STK4: variants seen among roughly 807,000 people sequenced by gnomAD.
The protein encoded by STK4 is serine/threonine-protein kinase 4.
A neutral mutation model predicts 64.9 loss-of-function variants in STK4; 30 were observed. That is an observed-to-expected ratio of 0.46 (90% CI 0.35 to 0.63). The LOEUF (loss-of-function observed/expected upper bound fraction) is 0.63, where lower values mean the gene tolerates loss of function less well. Among genes scored for constraint, STK4 ranks in the 20% least tolerant of loss-of-function variants. The pLI is 0.01. For missense variants in STK4, 466 were observed against 598.5 expected (o/e 0.78, Z 2.31); for synonymous variants, 177 against 199.0 (o/e 0.89, Z 0.93).
At position 45,006,253 on chromosome 20, in the gene STK4, G is replaced by GTATTTATTTATTTATT. The variant is rs71197590; in HGVS notation, c.1147+4913_1147+4928dup. ...ATTTTTGTTTCATTTTGTTTCGGAT[G>GTATTTATTTATTTATT]TATTTATTTATTTATTTATTTATTT... On this transcript the variant is annotated intron_variant, in intron 9 of 10. Transcript: ENST00000372806. 1.4e-4 allele frequency among the ~76,000 whole-genome samples: 21 copies of GTATTTATTTATTTATT among 146,906 alleles called. 1 individual carries two copies. The highest frequency in any genetic ancestry group is 4.0e-4 in the African/African-American group (16 of 40,376).
At chr20:44,992,532 A>T (rs1223506303) in intron 5 of STK4, among the ~76,000 whole-genome samples, 2 of 151,226 alleles carry the variant, frequency 1.3e-5, no homozygotes, top group Non-Finnish European at 2.9e-5. Flanking sequence ...ATAAGCCAGC[A>T]CACCTGCTCT....
intron 3 of STK4, 147 bp from the exon 4 acceptor site, chr20:44,981,682 A>G: frequency 1.9e-6 from 1 of 513,876 alleles, no homozygotes; most frequent in East Asian, 3.0e-5. Flanking sequence ...ACCATTTTGC[A>G]TTCTTATCAG....
intron 4 of STK4, among the ~76,000 whole-genome samples, chr20:44,983,608 C>G (rs755233303): frequency 2.0e-5 from 3 of 151,968 alleles, no homozygotes; most frequent in Non-Finnish European, 4.4e-5. Flanking sequence ...GGCAGCAGAG[C>G]AAGACTCTGT....
intron 9 of STK4, chr20:45,004,389 GC>G (rs2067896283): frequency 6.6e-6 from 1 of 151,852 alleles, no homozygotes; most frequent in Non-Finnish European, 1.5e-5. Context: ...GAGCCACTGC[GC>G]CCGGCCACAA....
Position 44,972,354 on chromosome 20 carries a change from A to G in STK4, c.116+196A>G, listed in dbSNP as rs541420679. On this transcript the variant is annotated intron_variant, in intron 2 of 10. Coordinates refer to ENST00000372806, the MANE Select transcript of STK4 (RefSeq NM_006282.5). ...AGTGATTCCTGGTCTTTTTAACACG[A>G]AGAATATCTATTGTTTTCTCTTTTG... 1.0e-5 allele frequency: 5 copies of G among 494,758 alleles called. No individual in the cohort carries two copies. In the Admixed American group the frequency reaches 1.2e-4, roughly 11 times the overall value. The allele number at this position is 494,758 out of a possible 1,614,324, so 30.6% of individuals were successfully genotyped here. A position where few individuals can be genotyped will look rare whatever the true frequency, so the allele number is the denominator to read the frequency against.
chr20:45,008,154 A>G (rs2067983138), intron 9 of STK4, among the ~76,000 whole-genome samples: 1 of 152,146 alleles, frequency 6.6e-6, no homozygotes, highest in African/African-American at 2.4e-5. Context: ...TCCCAGGTTC[A>G]AGCAATTCTC....
intron 10 of STK4, among the ~76,000 whole-genome samples, chr20:45,026,342 T>TGTGTGTGTGC (rs1483077260): frequency 6.6e-6 from 1 of 150,844 alleles, no homozygotes; most frequent in Non-Finnish European, 1.5e-5. Context: ...TGTGTGTGTG[T>TGTGTGTGTGC]GTGTGTGCAT....
At chr20:45,045,867 C>T (rs1014342337) in intron 10 of STK4, among the ~76,000 whole-genome samples, 1 of 151,872 alleles carries the variant, frequency 6.6e-6, no homozygotes, top group Non-Finnish European at 1.5e-5. Flanking sequence ...AGTGCAGTGG[C>T]CCAATCTCGG....
At chr20:45,007,184 C>T (rs553565642) in intron 9 of STK4, among the ~76,000 whole-genome samples, 2 of 152,160 alleles carry the variant, frequency 1.3e-5, no homozygotes, top group Non-Finnish European at 2.9e-5. Context: ...TATAAAGGAA[C>T]AGGTTCAGAG....
chr20:45,027,775 C>T (rs2068378226), intron 10 of STK4, among the ~76,000 whole-genome samples: 1 of 152,120 alleles, frequency 6.6e-6, no homozygotes, highest in Admixed American at 6.6e-5. Context: ...TCACCTCTTT[C>T]CCAGCCACTG....
At chr20:45,020,458 G>C (rs1291406476) in intron 9 of STK4, among the ~76,000 whole-genome samples, 1 of 133,158 alleles carries the variant, frequency 7.5e-6, no homozygotes, top group Non-Finnish European at 1.6e-5. Context: ...GTGTGTGTGT[G>C]TGTGTGTGTA....
At chr20:45,054,518 C>T (rs1003044934) in intron 10 of STK4, among the ~76,000 whole-genome samples, 21 of 149,500 alleles carry the variant, frequency 1.4e-4, no homozygotes, top group Non-Finnish European at 3.0e-4. Flanking sequence ...GCTATGATTG[C>T]ACCACTGCAC....
intron 9 of STK4, among the ~76,000 whole-genome samples, chr20:45,012,195 C>T (rs113150454): frequency 0.018 from 2,728 of 152,130 alleles, 73 homozygotes; most frequent in African/African-American, 0.062. Flanking sequence ...ACCACCACAC[C>T]TGGCTAATGG....
chr20:45,050,471 C>T (rs948130505), intron 10 of STK4, among the ~76,000 whole-genome samples: 1 of 152,102 alleles, frequency 6.6e-6, no homozygotes, highest in African/African-American at 2.4e-5. Context: ...ATGGTACGCC[C>T]TTAGAATTAA....
At chr20:45,063,800 TTTTA>T (rs998880666) in intron 10 of STK4, among the ~76,000 whole-genome samples, 2 of 152,002 alleles carry the variant, frequency 1.3e-5, no homozygotes, top group African/African-American at 4.8e-5. Flanking sequence ...GGTCCAGTGT[TTTTA>T]TTTATTTATT....
At chr20:44,988,940 TC>T (rs2067586121) in intron 5 of STK4, among the ~76,000 whole-genome samples, 1 of 152,186 alleles carries the variant, frequency 6.6e-6, no homozygotes, top group Admixed American at 6.5e-5. Context: ...TTTGAGTTCA[TC>T]CATGTTGTAA....
At chr20:44,995,303 A>G (rs748518425) in intron 6 of STK4, 46 bp downstream of exon 6, 2 of 1,563,342 alleles carry the variant, frequency 1.3e-6, no homozygotes, top group East Asian at 4.7e-5. Context: ...GTTACTGATC[A>G]TCATTAAAAA....
rs184239347 is a variant in STK4 at position 44,970,527 on chromosome 20, C to T, written c.36-1551C>T. ...AAAAAACCCTGGCATATGAGATGTT[C>T]GTTCTGACTTCTGAGTTTATAGAAG... is the stretch of plus-strand genomic sequence containing the variant. On this transcript the variant is annotated intron_variant, in intron 1 of 10. Coordinates refer to ENST00000372806, the MANE Select transcript of STK4 (RefSeq NM_006282.5). 1.5e-3 allele frequency: 236 copies of T among 152,290 alleles called. 1 individual carries two copies. The highest frequency in any genetic ancestry group is 5.3e-3 in the African/African-American group (222 of 41,560). 9.4% of individuals were successfully genotyped at this position (152,290 alleles called of 1,614,324 possible). A position where few individuals can be genotyped will look rare whatever the true frequency, so the allele number is the denominator to read the frequency against.
At chr20:45,073,285 G>C (rs1421927715) in intron 10 of STK4, among the ~76,000 whole-genome samples, 1 of 151,870 alleles carries the variant, frequency 6.6e-6, no homozygotes, top group East Asian at 1.9e-4. Context: ...CGACTTTCCA[G>C]CATTTACCCA....
Sources: gnomAD v4.1 joint callset for allele counts (sites outside exome capture counted in the v4.1 genomes callset) on GRCh38, gnomAD v4.1.1 for gene constraint, MANE v1.5 for transcripts, NCBI Gene and HGNC (gene_info 2026-07-23, HGNC 2026-07-21) for gene names.